Variants in FRMD4A observed in about 807,000 individuals in gnomAD.
FRMD4A encodes the protein FERM domain-containing protein 4A.
FRMD4A carries 29 observed loss-of-function variants against 129.1 expected under a neutral mutation model. That is an observed-to-expected ratio of 0.22 (90% CI 0.17 to 0.31). The LOEUF (loss-of-function observed/expected upper bound fraction) is 0.31, where lower values mean the gene tolerates loss of function less well. Ranked by LOEUF, FRMD4A falls within the 10% of genes least tolerant of loss-of-function variation. The pLI, the probability that FRMD4A is intolerant of heterozygous loss-of-function variation, is 1.00. For synonymous variants in FRMD4A, 634 were observed against 571.6 expected, an observed-to-expected ratio of 1.11 and a Z score of -1.56; for missense variants, 1,272 against 1,375.8, an observed-to-expected ratio of 0.92 and a Z score of 1.19.
At chr10:13,820,957 C>G (rs758866243) in intron 3 of FRMD4A, among the ~76,000 whole-genome samples, 1 of 152,194 alleles carries the variant, frequency 6.6e-6, no homozygotes, top group Admixed American at 6.5e-5. Flanking sequence ...GTTAGCTTTT[C>G]GGAAAACCCA....
chr10:13,693,995 G>A lies in FRMD4A; in HGVS notation c.1020C>T (p.Asp340=). 1 of 1,540,164 alleles carries A rather than the reference G, an allele frequency of 6.5e-7. No individual in the cohort carries two copies. The highest frequency in any genetic ancestry group is 8.7e-7 in the Non-Finnish European group (1 of 1,148,114). ...AARSLSEIAI[D]LTETGTLKTS... ...TCTTCAGCGTCCCCGTCTCGGTCAG[G>A]TCGATGGCGATCTCACTCAGGCTGC... is the stretch of plus-strand genomic sequence containing the variant. The change falls in exon 15 of 25, where the codon GAC becomes GAT. Residue 340 remains aspartate (D), a synonymous_variant. Coordinates refer to ENST00000357447, the MANE Select transcript of FRMD4A (RefSeq NM_018027.5).
intron 2 of FRMD4A, among the ~76,000 whole-genome samples, chr10:14,130,960 G>A (rs1462105932): frequency 6.6e-6 from 1 of 152,156 alleles, no homozygotes; most frequent in African/African-American, 2.4e-5. Context: ...TGAGTTTAAT[G>A]CACCATGGTG....
At chr10:13,720,903 A>G (rs2089351082) in intron 12 of FRMD4A, among the ~76,000 whole-genome samples, 1 of 152,242 alleles carries the variant, frequency 6.6e-6, no homozygotes, top group African/African-American at 2.4e-5. Flanking sequence ...TAAAAAAGGA[A>G]TGCAGTACTA....
chr10:13,779,103 G>A (rs1216124933), intron 6 of FRMD4A, among the ~76,000 whole-genome samples: 1 of 152,114 alleles, frequency 6.6e-6, no homozygotes, highest in African/African-American at 2.4e-5. Context: ...TGGATCATGA[G>A]GTCAGGCGTT....
chr10:13,712,056 C>G (rs2088077502), intron 12 of FRMD4A: 1 of 152,260 alleles, frequency 6.6e-6, no homozygotes, highest in Non-Finnish European at 1.5e-5. Context: ...CATCCTGCAC[C>G]ATGGCCTGGC....
At chr10:14,293,202 A>T (rs1316836795) in intron 2 of FRMD4A, among the ~76,000 whole-genome samples, 1 of 152,212 alleles carries the variant, frequency 6.6e-6, no homozygotes. Flanking sequence ...GCAAAGCCTA[A>T]TAATATTATT....
intron 12 of FRMD4A, among the ~76,000 whole-genome samples, chr10:13,720,230 G>C (rs1453124762): frequency 6.6e-6 from 1 of 152,136 alleles, no homozygotes; most frequent in African/African-American, 2.4e-5. Flanking sequence ...TGTATTTTTA[G>C]TAGAGACGGG....
At chr10:13,733,050 G>A (rs1270392180) in intron 12 of FRMD4A, among the ~76,000 whole-genome samples, 3 of 152,340 alleles carry the variant, frequency 2.0e-5, no homozygotes, top group Admixed American at 6.5e-5. Context: ...GTACAGCGGA[G>A]GTTAAGAGCC....
At chr10:13,913,808 C>T (rs760024478) in intron 2 of FRMD4A, among the ~76,000 whole-genome samples, 4 of 152,182 alleles carry the variant, frequency 2.6e-5, no homozygotes, top group Non-Finnish European at 5.9e-5. Flanking sequence ...AAGTCCCTGT[C>T]CCTGTACTGC....
chr10:13,740,823 G>GT (rs369798483), intron 9 of FRMD4A, among the ~76,000 whole-genome samples: 2,973 of 104,960 alleles, frequency 0.028, 402 homozygotes, highest in African/African-American at 0.092. Flanking sequence ...TGTCTTGGAT[G>GT]TTTGTTTTTT....
chr10:14,184,032 T>C (rs959589751), intron 2 of FRMD4A, among the ~76,000 whole-genome samples: 2 of 152,100 alleles, frequency 1.3e-5, no homozygotes. Context: ...TTTTACCTGG[T>C]CATGGTTTGG....
At chr10:13,734,376 G>A (rs1384783180) in intron 12 of FRMD4A, among the ~76,000 whole-genome samples, 1 of 152,080 alleles carries the variant, frequency 6.6e-6, no homozygotes, top group Non-Finnish European at 1.5e-5. Context: ...GCTTCAAATA[G>A]ACCGCGGCTA....
At chr10:14,131,400 C>T (rs4750469) in intron 2 of FRMD4A, among the ~76,000 whole-genome samples, 1 of 150,382 alleles carries the variant, frequency 6.6e-6, no homozygotes, top group Admixed American at 6.7e-5. Context: ...CACTGTGCCC[C>T]CCCCGGCCGC....
At chr10:14,164,770 C>T (rs1031074455) in intron 2 of FRMD4A, among the ~76,000 whole-genome samples, 1 of 152,186 alleles carries the variant, frequency 6.6e-6, no homozygotes, top group Non-Finnish European at 1.5e-5. Context: ...TTCCAAAATT[C>T]TTATAAGGAT....
At chr10:14,042,924 CAAAAAAA>C (rs57492155) in intron 2 of FRMD4A, among the ~76,000 whole-genome samples, 16 of 62,844 alleles carry the variant, frequency 2.5e-4, no homozygotes, top group South Asian at 1.6e-3. Context: ...GACTCCATCT[CAAAAAAA>C]AAAAAAAAAA....
At chr10:14,158,815 G>A (rs1299499116) in intron 2 of FRMD4A, among the ~76,000 whole-genome samples, 3 of 133,228 alleles carry the variant, frequency 2.3e-5, no homozygotes, top group Admixed American at 7.8e-5. Context: ...AGGAAGAGAA[G>A]GAAGAAGAGG....
intron 2 of FRMD4A, among the ~76,000 whole-genome samples, chr10:14,185,530 T>A (rs961157254): frequency 2.6e-5 from 4 of 152,192 alleles, no homozygotes; most frequent in Non-Finnish European, 5.9e-5. Context: ...GTTGTAGAAC[T>A]ATGGAAACTT....
At chr10:13,738,149 C>T (rs1375908847) in intron 11 of FRMD4A, among the ~76,000 whole-genome samples, 1 of 152,076 alleles carries the variant, frequency 6.6e-6, no homozygotes, top group African/African-American at 2.4e-5. Flanking sequence ...GGGCTGGGGG[C>T]CTGGCTCTGC....
intron 2 of FRMD4A, among the ~76,000 whole-genome samples, chr10:14,199,046 C>T (rs1842554371): frequency 6.6e-6 from 1 of 152,062 alleles, no homozygotes; most frequent in Admixed American, 6.6e-5. Context: ...CGTGTTTTCT[C>T]TTAAAATTAA....
Sources: allele counts gnomAD v4.1 joint callset (sites outside exome capture counted in the v4.1 genomes callset), GRCh38; gene constraint gnomAD v4.1.1; transcripts MANE v1.5; gene names NCBI Gene and HGNC (gene_info 2026-07-23, HGNC 2026-07-21).